ZBTB7A: variants seen among roughly 807,000 people sequenced by gnomAD.
The protein encoded by ZBTB7A is zinc finger and BTB domain containing 7A, also known as zinc finger and BTB domain-containing protein 7A.
Under a neutral mutation model 26.7 loss-of-function variants are expected in ZBTB7A, and 7 were observed. The ratio of observed to expected loss-of-function variants is 0.26; its 90% CI spans 0.15 to 0.49. The LOEUF is 0.49. Among genes scored for constraint, ZBTB7A ranks in the 20% least tolerant of loss-of-function variants. The pLI is 0.98. For missense variants in ZBTB7A, 617 were observed against 919.5 expected, an observed-to-expected ratio of 0.67 and a Z score of 4.25; for synonymous variants, 452 against 441.0, an observed-to-expected ratio of 1.02 and a Z score of -0.31.
rs900465326 is a variant in ZBTB7A, at chr19:4,047,342, C to T, written c.*410G>A. On this transcript the variant is annotated 3_prime_UTR_variant, in exon 3 of 3. Transcript: ENST00000322357. ...AATTAAAAGCCCACCCCAGTCCCCCCCCAGCGCCCCCACGTCTACCCTCCC... is the reference window on the plus strand; with the variant it reads ...AATTAAAAGCCCACCCCAGTCCCCCTCCAGCGCCCCCACGTCTACCCTCCC... 1.3e-5 allele frequency: 2 copies of T among 152,516 alleles called. No individual in the cohort carries two copies. The highest frequency in any genetic ancestry group is 4.1e-4 in the South Asian group (2 of 4,836). 9.4% of individuals were successfully genotyped at this position (152,516 alleles called of 1,614,324 possible).
chr19:4,059,328 G>C (rs559614198), intron 1 of ZBTB7A, among the ~76,000 whole-genome samples: 17 of 152,144 alleles, frequency 1.1e-4, no homozygotes, highest in Non-Finnish European at 2.4e-4. Context: ...AGGTGGCTCA[G>C]CGACCTCCTG....
Position 4,056,336 on chromosome 19 carries a change from G to A in ZBTB7A, c.-15-1089C>T, listed in dbSNP as rs546259773. Among the ~76,000 whole-genome samples the A allele has an allele frequency of 3.3e-5, 5 of 152,304 alleles. No individual in the cohort carries two copies. The South Asian group carries it at 8.3e-4, about 25-fold the overall frequency. On this transcript the variant is annotated intron_variant, in intron 1 of 2. Coordinates refer to ENST00000322357, the MANE Select transcript of ZBTB7A (RefSeq NM_015898.4). ...AGATGCCCTGTTCTGTCTCATCAGC[G>A]TGAGATGAGGCTGGCAAAACCCACA...
intron 1 of ZBTB7A, among the ~76,000 whole-genome samples, chr19:4,061,305 C>T (rs776918746): frequency 2.0e-5 from 3 of 152,162 alleles, no homozygotes; most frequent in Admixed American, 6.5e-5. Context: ...GGTGGGCGGC[C>T]GGCCCAAGGT....
At position 4,046,839 on chromosome 19, in the gene ZBTB7A, G is replaced by A. The variant is rs2040426062; in HGVS notation, c.*913C>T. The stretch of plus-strand genomic sequence containing the variant: ...AAAGAGAAAAAAAAATCTAAAAAGT[G>A]CTTTAAAAATTTGGGAGAGGGGGCT... On this transcript the variant is annotated 3_prime_UTR_variant, in exon 3 of 3. Coordinates refer to ENST00000322357, the MANE Select transcript of ZBTB7A (RefSeq NM_015898.4). 6.8e-6 allele frequency: 1 copy of A among 147,866 alleles called. No homozygotes were observed. The highest frequency in any genetic ancestry group is 2.1e-4 in the South Asian group (1 of 4,704). The allele number at this position is 147,866 out of a possible 1,614,324, so 9.2% of individuals were successfully genotyped here.
At chr19:4,059,249 A>G (rs920345377) in intron 1 of ZBTB7A, among the ~76,000 whole-genome samples, 2 of 152,158 alleles carry the variant, frequency 1.3e-5, no homozygotes, top group African/African-American at 4.8e-5. Flanking sequence ...TCGGGTGACC[A>G]GGGTCCCCGC....
intron 2 of ZBTB7A, among the ~76,000 whole-genome samples, chr19:4,053,570 C>T (rs973447983): frequency 2.9e-5 from 4 of 136,138 alleles, no homozygotes; most frequent in Non-Finnish European, 6.3e-5. Context: ...CGTGTGTGTG[C>T]GCGCATGTCG....
chr19:4,058,906 C>T (rs1051483344), intron 1 of ZBTB7A, among the ~76,000 whole-genome samples: 7 of 152,232 alleles, frequency 4.6e-5, no homozygotes, highest in African/African-American at 1.4e-4. Flanking sequence ...AGCCTCGGCC[C>T]AGGGCCCAGC....
Position 4,053,955 on chromosome 19 carries a change from G to A in ZBTB7A, c.1262+16C>T, listed in dbSNP as rs1363645576. On this transcript the variant is annotated intron_variant, in intron 2 of 2. Transcript: ENST00000322357. Reference sequence around the variant, plus strand: ...CAGAGAGCAGGACGGCGCCTCCCCCGCGGCGGGCAGCTCACCTGGTGAAGC... The same window carrying A: ...CAGAGAGCAGGACGGCGCCTCCCCCACGGCGGGCAGCTCACCTGGTGAAGC... 3.8e-6 allele frequency: 6 copies of A among 1,579,014 alleles called. No homozygotes were observed. The South Asian group carries it at 5.7e-5, about 15-fold the overall frequency.
intron 1 of ZBTB7A, chr19:4,055,488 AC>A: frequency 1.0e-6 from 1 of 985,056 alleles, no homozygotes; most frequent in Non-Finnish European, 1.2e-6. Flanking sequence ...TGTCTTTAAT[AC>A]AGAGACAGGC....
chr19:4,056,266 G>GC (rs984793883), intron 1 of ZBTB7A, among the ~76,000 whole-genome samples: 3 of 152,118 alleles, frequency 2.0e-5, no homozygotes, highest in Non-Finnish European at 4.4e-5. Flanking sequence ...CAGGTTTCCT[G>GC]CCCCCCATCA....
At position 4,054,695 on chromosome 19, in the gene ZBTB7A, C is replaced by T. The variant is rs766023903; in HGVS notation, c.538G>A (p.Ala180Thr). ...NSLPPAAAAA[A>T]ASFPWSAFGA... ...AAGGCGGACCACGGGAAGCTGGCAG[C>T]GGCGGCGGCGGCCGCGGGGGGCAGG... The change falls in exon 2 of 3, where the codon GCT becomes ACT. Residue 180 changes from alanine to threonine, a missense_variant. Physicochemically the swap from Ala to Thr is moderately conservative, Grantham distance 58 (BLOSUM62 0). This residue lies in a region of ZBTB7A where 331 missense variants were observed against 391.3 expected (regional missense o/e 0.85). Transcript: ENST00000322357. 15 of 1,582,686 alleles carry T rather than the reference C, an allele frequency of 9.5e-6. No individual in the cohort carries two copies. The South Asian group carries it at 1.4e-4, about 14-fold the overall frequency.
chr19:4,056,727 C>T (rs1024942402), intron 1 of ZBTB7A, among the ~76,000 whole-genome samples: 2 of 152,032 alleles, frequency 1.3e-5, no homozygotes, highest in Admixed American at 6.5e-5. Flanking sequence ...AATAGATGGG[C>T]GTGATGGCAC....
In ZBTB7A at chr19:4,054,610, G is replaced by A; in HGVS notation, c.623C>T (p.Ala208Val). The A allele has an allele frequency of 6.3e-7, 1 of 1,584,422 alleles. No homozygotes were observed. Among genetic ancestry groups the A allele is most frequent in the Non-Finnish European group, 8.5e-7 (1 of 1,169,784 alleles). Residue 208 changes from alanine (A) to valine (V), a missense_variant, in exon 2 of 3, where the codon GCC (alanine) becomes GTC (valine). Physicochemically the swap from Ala to Val is moderately conservative, Grantham distance 64 (BLOSUM62 0). Transcript: ENST00000322357. The part of the protein sequence containing the change: ...TKEAVAAAVA[A>V]VAAGDCNGLD... ...GCCGTTGCAGTCGCCCGCGGCCACG[G>A]CGGCCACAGCGGCGGCCACGGCCTC...
At position 4,055,109 on chromosome 19, in the gene ZBTB7A, C is replaced by T. The variant is rs1431845168; in HGVS notation, c.124G>A (p.Gly42Ser). 6.2e-7 allele frequency: 1 copy of T among 1,609,670 alleles called. No individual in the cohort carries two copies. Among genetic ancestry groups the T allele is most frequent in the Non-Finnish European group, 8.5e-7 (1 of 1,179,740 alleles). ...GAGCGGTGCGTGGGGAACTCGCGGC[C>T]CTCCACCAGGATCACCACGTCGCAC... is the stretch of plus-strand genomic sequence containing the variant. ...LLCDVVILVE[G>S]REFPTHRSVL... Residue 42 changes from glycine to serine, a missense_variant, in exon 2 of 3, where the codon GGC becomes AGC. Physicochemically the swap from Gly to Ser is moderately conservative, Grantham distance 56 (BLOSUM62 0). Around this residue, in one of 5 missense-constraint regions of ZBTB7A, gnomAD observed 82 missense variants for 195.2 expected, o/e 0.42. Transcript: ENST00000322357.
At position 4,046,492 on chromosome 19, in the gene ZBTB7A, A is replaced by T. The variant is rs1165836016; in HGVS notation, c.*1260T>A. ...TAGAAGTTGGTTGTAACTTGTAAACATGTTTTTAAATTAAGAATTAAGATA... is the reference window on the plus strand; with the variant it reads ...TAGAAGTTGGTTGTAACTTGTAAACTTGTTTTTAAATTAAGAATTAAGATA... On this transcript the variant is annotated 3_prime_UTR_variant, in exon 3 of 3. Coordinates refer to ENST00000322357, the MANE Select transcript of ZBTB7A (RefSeq NM_015898.4). 2 of 144,862 alleles carry T rather than the reference A, an allele frequency of 1.4e-5. No homozygotes were observed. Among genetic ancestry groups the T allele is most frequent in the East Asian group, 2.0e-4 (1 of 4,966 alleles). The allele number at this position is 144,862 out of a possible 1,614,324, so 9.0% of individuals were successfully genotyped here. A position where few individuals can be genotyped will look rare whatever the true frequency, so the allele number is the denominator to read the frequency against.
At chr19:4,059,441 C>T (rs912960431) in intron 1 of ZBTB7A, among the ~76,000 whole-genome samples, 2 of 152,252 alleles carry the variant, frequency 1.3e-5, no homozygotes, top group Non-Finnish European at 2.9e-5. Flanking sequence ...CTGTTCCCCC[C>T]TAAATATCAC....
chr19:4,055,506 C>T (rs1221303369), intron 1 of ZBTB7A: 3 of 984,198 alleles, frequency 3.0e-6, no homozygotes, highest in Non-Finnish European at 3.6e-6. Flanking sequence ...AGGCTATCAC[C>T]ATGTTGGCCA....
chr19:4,049,211 T>TATATATA (rs1265213875), intron 2 of ZBTB7A, among the ~76,000 whole-genome samples: 1,618 of 42,806 alleles, frequency 0.038, 402 homozygotes, highest in East Asian at 0.11. Flanking sequence ...TATATATATG[T>TATATATA]AAGTTTGAGA....
At position 4,047,944 on chromosome 19, in the gene ZBTB7A, G is replaced by A. The variant is rs1289289922; in HGVS notation, c.1563C>T (p.Pro521=). The A allele has an allele frequency of 1.1e-5, 15 of 1,330,004 alleles. No homozygotes were observed. Among genetic ancestry groups the A allele is most frequent in the East Asian group, 6.4e-5 (2 of 31,302 alleles). The allele number at this position is 1,330,004 out of a possible 1,614,324, so 82.4% of individuals were successfully genotyped here. The change falls in exon 3 of 3, where the codon CCC becomes CCT. Residue 521 remains proline, a synonymous_variant. Transcript: ENST00000322357. ...GGGCGTCGGGGGAGCTGGGCTGGGCGGGGGCGCCGGGGGTCGCGGTGGCCC... is the reference window on the plus strand; with the variant it reads ...GGGCGTCGGGGGAGCTGGGCTGGGCAGGGGCGCCGGGGGTCGCGGTGGCCC... ...SPGATATPGA[P]AQPSSPDARR...
Sources: gnomAD v4.1 joint callset for allele counts (sites outside exome capture counted in the v4.1 genomes callset) on GRCh38, gnomAD v4.1.1 for gene constraint, gnomAD v4.1.1 regional missense constraint, MANE v1.5 for transcripts, NCBI Gene and HGNC (gene_info 2026-07-23, HGNC 2026-07-21) for gene names.